CNTN5: variants seen among roughly 807,000 people sequenced by gnomAD.
The protein encoded by CNTN5 is contactin 5, also known as contactin-5.
A neutral mutation model predicts 129.1 loss-of-function variants in CNTN5; 77 were observed. The observed-to-expected ratio is 0.60, with a 90% CI of 0.50 to 0.72. The LOEUF is 0.72. Ranked by LOEUF, CNTN5 falls within the 30% of genes least tolerant of loss-of-function variation. CNTN5 has a pLI of 0.00. For missense variants in CNTN5, 1,478 were observed against 1,328.8 expected (o/e 1.11, Z -1.75); for synonymous variants, 509 against 465.6 (o/e 1.09, Z -1.20).
At chr11:99,969,509 A>C (rs7951846) in intron 8 of CNTN5, among the ~76,000 whole-genome samples, 1 of 151,920 alleles carries the variant, frequency 6.6e-6, no homozygotes, top group African/African-American at 2.4e-5. Flanking sequence ...TGCTGCTGCT[A>C]TGCCTCTTCT....
In CNTN5 at chr11:100,010,652, C is replaced by T. The variant is rs910411901; in HGVS notation, c.980+8516C>T. ...GGTTTTCAGAACCCTTGCCCCAGTA[C>T]CACAAAGCCTAGTAGAGGATGGAGC... On this transcript the variant is annotated intron_variant, in intron 9 of 24. Coordinates refer to ENST00000524871, the MANE Select transcript of CNTN5 (RefSeq NM_014361.4). 2.0e-5 allele frequency among the ~76,000 whole-genome samples: 3 copies of T among 152,054 alleles called. No individual in the cohort carries two copies. The South Asian group carries it at 6.2e-4, about 32-fold the overall frequency.
intron 18 of CNTN5, among the ~76,000 whole-genome samples, chr11:100,290,319 A>G (rs1256051633): frequency 6.6e-6 from 1 of 152,144 alleles, no homozygotes; most frequent in South Asian, 2.1e-4. Flanking sequence ...AGCCAAAAGA[A>G]CAAAGCTAGA....
intron 8 of CNTN5, among the ~76,000 whole-genome samples, chr11:99,967,719 A>G (rs1435109692): frequency 6.6e-6 from 1 of 152,082 alleles, no homozygotes; most frequent in Non-Finnish European, 1.5e-5. Flanking sequence ...TAATTCCTCA[A>G]CAGCTATAAT....
chr11:99,450,886 A>G (rs1944278258), intron 2 of CNTN5, among the ~76,000 whole-genome samples: 3 of 151,604 alleles, frequency 2.0e-5, no homozygotes, highest in African/African-American at 7.3e-5. Context: ...GCAAATACAG[A>G]ATCTGGGAAT....
intron 3 of CNTN5, among the ~76,000 whole-genome samples, chr11:99,813,003 A>G (rs969323608): frequency 9.3e-6 from 1 of 107,474 alleles, no homozygotes; most frequent in Non-Finnish European, 2.1e-5. Context: ...AACTGGTAAA[A>G]TCTTACCAAT....
intron 3 of CNTN5, among the ~76,000 whole-genome samples, chr11:99,811,193 A>G (rs1427738031): frequency 6.6e-6 from 1 of 151,998 alleles, no homozygotes; most frequent in African/African-American, 2.4e-5. Flanking sequence ...ACAGAGTCCA[A>G]TAGTGATAAT....
intron 3 of CNTN5, among the ~76,000 whole-genome samples, chr11:99,755,651 C>T (rs981080663): frequency 1.3e-5 from 2 of 151,542 alleles, no homozygotes; most frequent in Non-Finnish European, 1.5e-5. Context: ...ATATTTTCTT[C>T]CAGTCTGTGG....
chr11:99,134,852 G>A (rs1310309845), intron 1 of CNTN5, among the ~76,000 whole-genome samples: 1 of 152,192 alleles, frequency 6.6e-6, no homozygotes, highest in African/African-American at 2.4e-5. Flanking sequence ...ATTATGCAAT[G>A]TACTAGGTAA....
intron 3 of CNTN5, among the ~76,000 whole-genome samples, chr11:99,752,591 C>G (rs1283266093): frequency 1.3e-5 from 2 of 152,074 alleles, no homozygotes; most frequent in Non-Finnish European, 2.9e-5. Context: ...GACTTACTAA[C>G]TATATTCACT....
At chr11:99,963,954 CTGTT>C (rs1181311919) in intron 8 of CNTN5, among the ~76,000 whole-genome samples, 1 of 152,034 alleles carries the variant, frequency 6.6e-6, no homozygotes, top group African/African-American at 2.4e-5. Flanking sequence ...ATTTGGCTCT[CTGTT>C]TGTCTGTTAT....
chr11:99,853,631 C>A (rs1363850623), intron 6 of CNTN5, among the ~76,000 whole-genome samples: 3 of 152,052 alleles, frequency 2.0e-5, no homozygotes, highest in Non-Finnish European at 4.4e-5. Flanking sequence ...GAACTCCCAA[C>A]TTTAGGTGAT....
At chr11:99,590,689 G>A (rs539152362) in intron 3 of CNTN5, among the ~76,000 whole-genome samples, 34 of 152,160 alleles carry the variant, frequency 2.2e-4, no homozygotes, top group Non-Finnish European at 3.7e-4. Flanking sequence ...TGGCAGGAAA[G>A]AGTTTAGAGT....
In CNTN5 at chr11:99,481,910, G is replaced by A. The variant is rs569395010; in HGVS notation, c.-70-74235G>A. ...CTTGGAGGTGATTGTTTAGGGAAGA[G>A]ATGATATTTTCTTAAATTTTGTGTA... On this transcript the variant is annotated intron_variant, in intron 2 of 24. Transcript: ENST00000524871. Among the ~76,000 whole-genome samples the A allele has an allele frequency of 5.9e-5, 9 of 152,238 alleles. No homozygotes were observed. In the South Asian group the frequency reaches 1.7e-3, roughly 28 times the overall value.
intron 4 of CNTN5, among the ~76,000 whole-genome samples, chr11:99,830,305 C>G (rs1947097962): frequency 6.6e-6 from 1 of 152,112 alleles, no homozygotes; most frequent in Non-Finnish European, 1.5e-5. Flanking sequence ...CCCTCTGTGT[C>G]TACGCAAGCT....
chr11:100,252,959 G>C (rs1047705070), intron 16 of CNTN5, among the ~76,000 whole-genome samples: 1 of 152,106 alleles, frequency 6.6e-6, no homozygotes. Context: ...GAGTCAAACA[G>C]TCACAGGCCA....
intron 9 of CNTN5, among the ~76,000 whole-genome samples, chr11:100,028,288 A>G (rs1373731541): frequency 6.6e-6 from 1 of 152,186 alleles, no homozygotes; most frequent in Non-Finnish European, 1.5e-5. Flanking sequence ...TGACAAGAGA[A>G]AAATAAAGGT....
intron 9 of CNTN5, among the ~76,000 whole-genome samples, chr11:100,018,902 AG>A (rs1286498426): frequency 6.6e-6 from 1 of 151,946 alleles, no homozygotes; most frequent in Non-Finnish European, 1.5e-5. Context: ...TGGATTCCCC[AG>A]TGACTAATGA....
At chr11:99,912,095 C>T (rs1292510038) in intron 6 of CNTN5, among the ~76,000 whole-genome samples, 1 of 148,276 alleles carries the variant, frequency 6.7e-6, no homozygotes, top group African/African-American at 2.5e-5. Context: ...CTTTGTGGAA[C>T]AATACAGGGA....
intron 1 of CNTN5, among the ~76,000 whole-genome samples, chr11:99,156,406 T>C (rs1390086468): frequency 6.6e-6 from 1 of 152,060 alleles, no homozygotes; most frequent in Non-Finnish European, 1.5e-5. Context: ...TAATTATCAC[T>C]CATTTTAAAG....
Sources: allele counts gnomAD v4.1 joint callset (sites outside exome capture counted in the v4.1 genomes callset), GRCh38; gene constraint gnomAD v4.1.1; transcripts MANE v1.5; gene names NCBI Gene and HGNC (gene_info 2026-07-23, HGNC 2026-07-21).